The following CDH8 variants were observed in gnomAD, a reference collection of about 807,000 sequenced individuals.
CDH8 encodes the protein cadherin-8.
Under a neutral mutation model 68.1 loss-of-function variants are expected in CDH8, and 17 were observed. The ratio of observed to expected loss-of-function variants is 0.25; its 90% CI spans 0.17 to 0.37. The LOEUF is 0.37. CDH8 is among the 10% of genes least tolerant of loss of function. CDH8 has a pLI of 1.00. For synonymous variants in CDH8, 372 were observed against 365.1 expected (o/e 1.02, Z -0.21); for missense variants, 763 against 999.3 (o/e 0.76, Z 3.19).
At chr16:61,798,584 G>C (rs1355596480) in intron 7 of CDH8, among the ~76,000 whole-genome samples, 2 of 152,138 alleles carry the variant, frequency 1.3e-5, no homozygotes, top group Non-Finnish European at 2.9e-5. Context: ...ATATCAAACA[G>C]CACAGGTCGA....
chr16:61,894,335 T>C (rs60405077), intron 3 of CDH8, among the ~76,000 whole-genome samples: 3,072 of 152,298 alleles, frequency 0.02, 100 homozygotes, highest in African/African-American at 0.07. Flanking sequence ...CCCTTCCAGA[T>C]TGAATAAGTC....
intron 2 of CDH8, among the ~76,000 whole-genome samples, chr16:61,907,465 G>A (rs958248428): frequency 1.3e-5 from 2 of 151,946 alleles, no homozygotes; most frequent in East Asian, 1.9e-4. Flanking sequence ...GATTGCTTGA[G>A]CCCAGGAATT....
intron 2 of CDH8, among the ~76,000 whole-genome samples, chr16:62,016,901 G>A (rs940283704): frequency 2.6e-5 from 4 of 152,290 alleles, no homozygotes; most frequent in South Asian, 4.1e-4. Flanking sequence ...CTTTTTGAAA[G>A]AGAGTTGCTT....
In CDH8 at chr16:61,708,040, C is replaced by G. The variant is rs540051836; in HGVS notation, c.1654+5801G>C. Reference sequence around the variant, plus strand: ...TATTTTATATAATGATTTGGGGCAACAGTCTCAGAAAGCAAAGTACTCAAA... The same window carrying G: ...TATTTTATATAATGATTTGGGGCAAGAGTCTCAGAAAGCAAAGTACTCAAA... On this transcript the variant is annotated intron_variant, in intron 10 of 11. Transcript: ENST00000577390. Among the ~76,000 whole-genome samples the G allele has an allele frequency of 2.0e-5, 3 of 152,174 alleles. No individual in the cohort carries two copies. In the South Asian group the frequency reaches 6.2e-4, roughly 32 times the overall value.
intron 1 of CDH8, among the ~76,000 whole-genome samples, chr16:62,035,421 C>A (rs1250457758): frequency 6.6e-6 from 1 of 152,154 alleles, no homozygotes; most frequent in Non-Finnish European, 1.5e-5. Flanking sequence ...AGCGTCTTGG[C>A]GAGGGCAGAG....
chr16:61,840,305 A>G (rs1217313719), intron 4 of CDH8, among the ~76,000 whole-genome samples: 1 of 152,060 alleles, frequency 6.6e-6, no homozygotes, highest in African/African-American at 2.4e-5. Flanking sequence ...TCAAATGTCA[A>G]ATTATTAATG....
At chr16:62,018,641 T>C (rs149750738) in intron 2 of CDH8, among the ~76,000 whole-genome samples, 39 of 152,256 alleles carry the variant, frequency 2.6e-4, no homozygotes, top group African/African-American at 8.9e-4. Context: ...GCATTTTTCT[T>C]TAAAGGGAAA....
In CDH8 at chr16:61,797,263, A is replaced by C. The variant is rs553166289; in HGVS notation, c.1278-7781T>G. On this transcript the variant is annotated intron_variant, in intron 7 of 11. Coordinates refer to ENST00000577390, the MANE Select transcript of CDH8 (RefSeq NM_001796.5). Reference sequence around the variant, plus strand: ...AAAGAACATCAATCTGTGACAATATACATGCAGAACACTTTCAAGATTTTC... The same window carrying C: ...AAAGAACATCAATCTGTGACAATATCCATGCAGAACACTTTCAAGATTTTC... 5.1e-4 allele frequency among the ~76,000 whole-genome samples: 77 copies of C among 152,212 alleles called. 2 individuals are homozygous for C. In the South Asian group the frequency reaches 7.3e-3, roughly 14 times the overall value.
Position 61,789,481 on chromosome 16 carries a change from A to G in CDH8, c.1279T>C (p.Phe427Leu). The change falls in exon 8 of 12, where the codon TTT (phenylalanine) becomes CTT (leucine). Residue 427 changes from phenylalanine to leucine, a missense_variant and splice_region_variant. Coordinates refer to ENST00000577390, the MANE Select transcript of CDH8 (RefSeq NM_001796.5). ...AGGTCAGTGTGCCGGTCGATGGAAA[A>G]CCTACAAAACAGACACATCTGTAAT... The part of the protein sequence containing the change: ...DPDITSSPIR[F>L]SIDRHTDLER... The G allele has an allele frequency of 1.2e-6, 2 of 1,612,242 alleles. No individual in the cohort carries two copies. The highest frequency in any genetic ancestry group is 1.7e-6 in the Non-Finnish European group (2 of 1,178,952).
At chr16:61,739,827 A>T (rs902071257) in intron 8 of CDH8, among the ~76,000 whole-genome samples, 3 of 147,162 alleles carry the variant, frequency 2.0e-5, no homozygotes, top group Non-Finnish European at 4.5e-5. Flanking sequence ...AGCAAAACAA[A>T]CAAAATTAAT....
intron 8 of CDH8, among the ~76,000 whole-genome samples, chr16:61,764,517 T>C (rs2142976274): frequency 6.6e-6 from 1 of 152,206 alleles, no homozygotes. Flanking sequence ...CCATTTTACA[T>C]GCCAGCAAAA....
chr16:61,938,249 A>T (rs560055233), intron 2 of CDH8, among the ~76,000 whole-genome samples: 1 of 152,294 alleles, frequency 6.6e-6, no homozygotes, highest in African/African-American at 2.4e-5. Context: ...TTAATTACCC[A>T]GTCATCCCAA....
chr16:61,745,116 G>T (rs1273553006), intron 8 of CDH8, among the ~76,000 whole-genome samples: 3 of 148,130 alleles, frequency 2.0e-5, no homozygotes, highest in African/African-American at 5.0e-5. Context: ...TTTTCTGAAA[G>T]AAAACAACTT....
intron 2 of CDH8, among the ~76,000 whole-genome samples, chr16:61,910,250 A>C (rs1964137500): frequency 6.6e-6 from 1 of 151,938 alleles, no homozygotes; most frequent in Non-Finnish European, 1.5e-5. Context: ...TTAAAAATAC[A>C]TCAAGAATGC....
chr16:61,770,008 C>A (rs1311676730), intron 8 of CDH8, among the ~76,000 whole-genome samples: 2 of 151,828 alleles, frequency 1.3e-5, no homozygotes, highest in Non-Finnish European at 2.9e-5. Context: ...TTAGTAGTAT[C>A]AAGGAGTAGA....
intron 2 of CDH8, among the ~76,000 whole-genome samples, chr16:61,980,304 G>A (rs1965508788): frequency 1.3e-5 from 2 of 152,292 alleles, no homozygotes; most frequent in Non-Finnish European, 2.9e-5. Flanking sequence ...CCAGAATGGA[G>A]GCAGCACAAT....
intron 8 of CDH8, among the ~76,000 whole-genome samples, chr16:61,730,010 C>CAT (rs960492709): frequency 1.3e-5 from 2 of 151,122 alleles, no homozygotes; most frequent in Non-Finnish European, 3.0e-5. Context: ...CACACACACA[C>CAT]ACTCATATCT....
At chr16:61,722,108 C>G (rs1429207791) in intron 9 of CDH8, among the ~76,000 whole-genome samples, 1 of 150,670 alleles carries the variant, frequency 6.6e-6, no homozygotes, top group East Asian at 2.0e-4. Flanking sequence ...GCATAAAACT[C>G]TTTATGTTCA....
intron 7 of CDH8, among the ~76,000 whole-genome samples, chr16:61,794,866 T>C (rs1383336210): frequency 1.3e-5 from 2 of 152,060 alleles, no homozygotes; most frequent in Non-Finnish European, 2.9e-5. Flanking sequence ...AAGCCTTTAA[T>C]CTTAGTTATA....
Sources: gnomAD v4.1 joint callset for allele counts (sites outside exome capture counted in the v4.1 genomes callset) on GRCh38, gnomAD v4.1.1 for gene constraint, MANE v1.5 for transcripts, NCBI Gene and HGNC (gene_info 2026-07-23, HGNC 2026-07-21) for gene names.